The following FKBP3 variants were observed in gnomAD, a reference collection of about 807,000 sequenced individuals.
FKBP3 encodes the protein peptidyl-prolyl cis-trans isomerase FKBP3.
In FKBP3, 21 loss-of-function variants were observed where a neutral mutation model predicts 30.6. The observed-to-expected ratio is 0.69, with a 90% confidence interval of 0.49 to 0.99. FKBP3 has a LOEUF of 0.99. FKBP3 is among the 50% of genes least tolerant of loss of function. The pLI is 0.00. For synonymous variants in FKBP3, 82 were observed against 91.3 expected (o/e 0.90, Z 0.58); for missense variants, 283 against 261.6 (o/e 1.08, Z -0.56).
rs1319096417 is a variant in FKBP3 at position 45,116,070 on chromosome 14, T to TAACTC, written c.*123_*127dup. 1 of 646,754 alleles carries TAACTC rather than the reference T, an allele frequency of 1.5e-6. No individual in the cohort carries two copies. The highest frequency in any genetic ancestry group is 2.7e-6 in the Non-Finnish European group (1 of 364,874). The allele number at this position is 646,754 out of a possible 1,614,324, so 40.1% of individuals were successfully genotyped here. ...CTGGGACCAAGTAAACAAATTTTAT[T>TAACTC]AACTCCTTGAATTTTCCAGTTGACT... On this transcript the variant is annotated 3_prime_UTR_variant, in exon 7 of 7. Coordinates refer to ENST00000396062, the MANE Select transcript of FKBP3 (RefSeq NM_002013.4).
intron 6 of FKBP3, 46 bp downstream of exon 6, chr14:45,117,982 C>CG: frequency 1.7e-6 from 2 of 1,202,124 alleles, no homozygotes; most frequent in Non-Finnish European, 2.4e-6. Context: ...GTGATCTAGA[C>CG]GTTTTTTTTT....
intron 1 of FKBP3, among the ~76,000 whole-genome samples, chr14:45,132,874 A>G (rs1222764873): frequency 1.3e-5 from 2 of 152,220 alleles, no homozygotes; most frequent in African/African-American, 2.4e-5. Context: ...GATGAAGTAC[A>G]TGACTGAGGT....
At chr14:45,121,368 G>T in intron 4 of FKBP3, 117 bp downstream of exon 4, 1 of 777,212 alleles carries the variant, frequency 1.3e-6, no homozygotes. Flanking sequence ...GGGAAAGTAT[G>T]TCTGGATGAA....
At chr14:45,123,822 G>A (rs2139081388) in intron 3 of FKBP3, among the ~76,000 whole-genome samples, 1 of 151,700 alleles carries the variant, frequency 6.6e-6, no homozygotes, top group South Asian at 2.1e-4. Flanking sequence ...GTTTCACCAT[G>A]TTAGCCAGGA....
intron 3 of FKBP3, among the ~76,000 whole-genome samples, 182 bp from the exon 4 acceptor site, chr14:45,121,802 C>G (rs1884991893): frequency 6.6e-6 from 1 of 152,160 alleles, no homozygotes. Flanking sequence ...TAGTAACTTA[C>G]ACATCTATAA....
intron 3 of FKBP3, among the ~76,000 whole-genome samples, chr14:45,124,539 A>G (rs1885055727): frequency 6.7e-6 from 1 of 149,236 alleles, no homozygotes; most frequent in African/African-American, 2.5e-5. Context: ...TCTTAAAAAA[A>G]AAATTATATA....
intron 5 of FKBP3, among the ~76,000 whole-genome samples, chr14:45,119,350 C>A (rs973583351): frequency 1.3e-5 from 2 of 151,938 alleles, no homozygotes; most frequent in South Asian, 2.1e-4. Context: ...ATGAAGAGGG[C>A]GATCACTTGA....
chr14:45,129,026 A>G (rs1885160081), intron 3 of FKBP3, among the ~76,000 whole-genome samples: 1 of 152,256 alleles, frequency 6.6e-6, no homozygotes, highest in South Asian at 2.1e-4. Context: ...ATAGGAAAAG[A>G]TCATGCAAAA....
intron 5 of FKBP3, 22 bp downstream of exon 5, chr14:45,120,865 T>G: frequency 1.3e-6 from 2 of 1,584,554 alleles, no homozygotes; most frequent in Middle Eastern, 1.7e-4. Flanking sequence ...TATCTACTGA[T>G]TCATTGGCAT....
intron 3 of FKBP3, among the ~76,000 whole-genome samples, chr14:45,129,416 C>T (rs929068248): frequency 1.2e-4 from 19 of 152,072 alleles, no homozygotes; most frequent in Admixed American, 7.2e-4. Flanking sequence ...ATTTCTATTG[C>T]CAGGGACACC....
rs1885325382 is a variant in FKBP3, at chr14:45,134,367, C to T, written c.90G>A (p.Gln30=). ...CTGGTACCGAATCTGAACCGTGTTC[C>T]TGCAGAAACTTGATAATGTCCTTCT... ...LPKKDIIKFL[Q]EHGSDSFLAE... The change falls in exon 1 of 7, where the codon CAG becomes CAA. Residue 30 remains glutamine (Q), a synonymous_variant. Coordinates refer to ENST00000396062, the MANE Select transcript of FKBP3 (RefSeq NM_002013.4). 1 of 1,613,820 alleles carries T rather than the reference C, an allele frequency of 6.2e-7. No homozygotes were observed. Among genetic ancestry groups the T allele is most frequent in the Non-Finnish European group, 8.5e-7 (1 of 1,179,806 alleles).
chr14:45,123,262 C>T (rs1161858334), intron 3 of FKBP3, among the ~76,000 whole-genome samples: 3 of 151,966 alleles, frequency 2.0e-5, no homozygotes, highest in African/African-American at 7.3e-5. Context: ...CAAACCCTAG[C>T]TAGGGTCCTC....
intron 3 of FKBP3, among the ~76,000 whole-genome samples, chr14:45,126,964 T>C (rs1289590547): frequency 6.6e-6 from 1 of 151,944 alleles, no homozygotes; most frequent in Non-Finnish European, 1.5e-5. Flanking sequence ...TACAGATGCA[T>C]GCCACCATGC....
intron 4 of FKBP3, 112 bp downstream of exon 4, chr14:45,121,373 G>C (rs1372757611): frequency 1.2e-6 from 1 of 812,628 alleles, no homozygotes; most frequent in Non-Finnish European, 1.9e-6. Context: ...AGTATGTCTG[G>C]ATGAAAGTAG....
chr14:45,134,351 A>C lies in FKBP3; in HGVS notation c.106T>G (p.Ser36Ala). 6.2e-7 allele frequency: 1 copy of C among 1,612,994 alleles called. No individual in the cohort carries two copies. Among genetic ancestry groups the C allele is most frequent in the Non-Finnish European group, 8.5e-7 (1 of 1,179,202 alleles). The change falls in exon 1 of 7, where the codon TCG becomes GCG. Residue 36 changes from serine to alanine, a missense_variant and splice_region_variant. Ser to Ala is a moderately conservative substitution (Grantham distance 99). Transcript: ENST00000396062. The part of the protein sequence containing the change: ...IKFLQEHGSD[S>A]FLAEHKLLGN... Reference sequence around the variant, plus strand: ...GGCCGCCCCTACGCCTCTGGTACCGAATCTGAACCGTGTTCCTGCAGAAAC... The same window carrying C: ...GGCCGCCCCTACGCCTCTGGTACCGCATCTGAACCGTGTTCCTGCAGAAAC...
chr14:45,116,137 TTTC>T lies in FKBP3; in HGVS notation c.*58_*60del, dbSNP rs1292395261. On this transcript the variant is annotated 3_prime_UTR_variant, in exon 7 of 7. Coordinates refer to ENST00000396062, the MANE Select transcript of FKBP3 (RefSeq NM_002013.4). ...AACAAGTTCTAACTAGTTGTGTAAA[TTTC>T]TTCAAGGCCAAGTTTTATCATTGTT... The T allele has an allele frequency of 1.6e-6, 2 of 1,251,146 alleles. No individual in the cohort carries two copies. Among genetic ancestry groups the T allele is most frequent in the Non-Finnish European group, 2.3e-6 (2 of 857,074 alleles). 77.5% of individuals were successfully genotyped at this position (1,251,146 alleles called of 1,614,324 possible).
In FKBP3 at chr14:45,116,068, A is replaced by C. The variant is rs919007066; in HGVS notation, c.*130T>G. ...AGCTGGGACCAAGTAAACAAATTTT[A>C]TTAACTCCTTGAATTTTCCAGTTGA... On this transcript the variant is annotated 3_prime_UTR_variant, in exon 7 of 7. Transcript: ENST00000396062. 46 of 641,376 alleles carry C rather than the reference A, an allele frequency of 7.2e-5. No homozygotes were observed. Among genetic ancestry groups the C allele is most frequent in the Admixed American group, 6.6e-4 (26 of 39,600 alleles). The allele number at this position is 641,376 out of a possible 1,614,324, so 39.7% of individuals were successfully genotyped here. A position where few individuals can be genotyped will look rare whatever the true frequency, so the allele number is the denominator to read the frequency against.
At chr14:45,121,662 T>C in intron 3 of FKBP3, 42 bp from the exon 4 acceptor site, 1 of 1,592,714 alleles carries the variant, frequency 6.3e-7, no homozygotes, top group Non-Finnish European at 8.5e-7. Flanking sequence ...GTTATTAATT[T>C]GTGTCCTTTA....
chr14:45,130,647 G>T, intron 2 of FKBP3, 52 bp downstream of exon 2: 1 of 1,084,544 alleles, frequency 9.2e-7, no homozygotes, highest in South Asian at 1.5e-5. Context: ...ATCTTTTTTG[G>T]AAATAAAATT....
Sources: allele counts gnomAD v4.1 joint callset (sites outside exome capture counted in the v4.1 genomes callset), GRCh38; gene constraint gnomAD v4.1.1; transcripts MANE v1.5; gene names NCBI Gene and HGNC (gene_info 2026-07-23, HGNC 2026-07-21).